The following CLDN10 variants were observed in gnomAD, a reference collection of about 807,000 sequenced individuals.
The protein encoded by CLDN10 is claudin-10.
Under a neutral mutation model 22.9 loss-of-function variants are expected in CLDN10, and 15 were observed. The observed-to-expected ratio is 0.65, with a 90% CI of 0.44 to 1.01. CLDN10 has a LOEUF of 1.01. Among genes scored for constraint, CLDN10 ranks in the 50% least tolerant of loss-of-function variants. The pLI, the probability that CLDN10 is intolerant of heterozygous loss-of-function variation, is 0.00. For missense variants in CLDN10, 247 were observed against 287.8 expected, an observed-to-expected ratio of 0.86 and a Z score of 1.03; for synonymous variants, 114 against 111.4, an observed-to-expected ratio of 1.02 and a Z score of -0.15.
rs922945485 is a variant in CLDN10 at position 95,547,263 on chromosome 13, C to T, written c.215-12869C>T. On this transcript the variant is annotated intron_variant, in intron 1 of 4. Coordinates refer to the CLDN10 transcript ENST00000376873. ...CTCACTCCCAACCACTTTTGCTCCC[C>T]GGGACTATCCTCTGCTCTGACTTCC... Among the ~76,000 whole-genome samples, 8 of 152,080 alleles carry T rather than the reference C, an allele frequency of 5.3e-5. No individual in the cohort carries two copies. The South Asian group carries it at 8.3e-4, about 16-fold the overall frequency.
At chr13:95,511,457 G>A (rs2043097723) in intron 1 of CLDN10, among the ~76,000 whole-genome samples, 1 of 151,998 alleles carries the variant, frequency 6.6e-6, no homozygotes, top group Admixed American at 6.5e-5. Context: ...TGAGAAACTT[G>A]AGTGATGTGA....
intron 1 of CLDN10, among the ~76,000 whole-genome samples, chr13:95,485,567 C>T (rs931066667): frequency 1.3e-5 from 2 of 152,350 alleles, no homozygotes; most frequent in African/African-American, 4.8e-5. Flanking sequence ...CCCGGGCCCA[C>T]TCCAGATTCC....
chr13:95,566,955 C>A (rs985946208), intron 3 of CLDN10, among the ~76,000 whole-genome samples: 1 of 151,956 alleles, frequency 6.6e-6, no homozygotes, highest in East Asian at 1.9e-4. Flanking sequence ...ATTTCTGAGG[C>A]CTCTGTTCTG....
chr13:95,574,405 T>C (rs1008998283), intron 3 of CLDN10, among the ~76,000 whole-genome samples: 2 of 152,228 alleles, frequency 1.3e-5, no homozygotes, highest in African/African-American at 4.8e-5. Flanking sequence ...GTCTCCAACA[T>C]AATTCACACT....
At chr13:95,555,012 G>C (rs2043615086) in intron 1 of CLDN10, among the ~76,000 whole-genome samples, 1 of 149,208 alleles carries the variant, frequency 6.7e-6, no homozygotes, top group Admixed American at 6.7e-5. Context: ...GAGAATACCT[G>C]CTTCTCCACA....
At chr13:95,571,556 G>A (rs2043861673) in intron 3 of CLDN10, among the ~76,000 whole-genome samples, 1 of 152,146 alleles carries the variant, frequency 6.6e-6, no homozygotes, top group Non-Finnish European at 1.5e-5. Context: ...AGAGAGACTG[G>A]ACCATGGCAG....
chr13:95,560,599 C>G (rs2043695594), intron 3 of CLDN10, 136 bp downstream of exon 3: 1 of 683,534 alleles, frequency 1.5e-6, no homozygotes, highest in South Asian at 1.9e-5. Flanking sequence ...TGACATCATT[C>G]AAGATTAAAT....
At chr13:95,441,731 T>C (rs965828895) in intron 1 of CLDN10, among the ~76,000 whole-genome samples, 2 of 152,216 alleles carry the variant, frequency 1.3e-5, no homozygotes, top group South Asian at 2.1e-4. Flanking sequence ...GTGTCTTCTA[T>C]GCACATTAAA....
Position 95,499,418 on chromosome 13 carries a change from T to G in CLDN10, c.215-60714T>G, listed in dbSNP as rs114484827. ...TTAGCTAGGCATGGTGGCAAGCGCT[T>G]GTAATCGCAGCTACTTGGGAGGCTG... On this transcript the variant is annotated intron_variant, in intron 1 of 4. Coordinates refer to the CLDN10 transcript ENST00000376873. 6.1e-3 allele frequency among the ~76,000 whole-genome samples: 923 copies of G among 152,244 alleles called. 12 individuals are homozygous for G. Among genetic ancestry groups the G allele is most frequent in the African/African-American group, 0.021 (890 of 41,542 alleles).
At chr13:95,484,933 TATTTAGTTTG>T (rs1383648797) in intron 1 of CLDN10, among the ~76,000 whole-genome samples, 5 of 150,776 alleles carry the variant, frequency 3.3e-5, no homozygotes, top group Non-Finnish European at 7.4e-5. Context: ...GATGGGGTCT[TATTTAGTTTG>T]ATTTAGTTTG....
chr13:95,437,430 A>G (rs185963555), intron 1 of CLDN10, among the ~76,000 whole-genome samples: 1 of 152,326 alleles, frequency 6.6e-6, no homozygotes, highest in East Asian at 1.9e-4. Context: ...ATCTACGTTA[A>G]TAGGAATGCT....
intron 1 of CLDN10, among the ~76,000 whole-genome samples, chr13:95,464,665 T>C (rs2042567483): frequency 6.6e-6 from 1 of 152,120 alleles, no homozygotes; most frequent in Non-Finnish European, 1.5e-5. Flanking sequence ...TGGATGTTGT[T>C]CATGATGACA....
intron 1 of CLDN10, among the ~76,000 whole-genome samples, chr13:95,468,289 C>T (rs2042598614): frequency 6.6e-6 from 1 of 152,094 alleles, no homozygotes; most frequent in South Asian, 2.1e-4. Flanking sequence ...GCTCTGGTTC[C>T]TAAGTCTTTT....
At chr13:95,533,623 G>A (rs1440644702) in intron 1 of CLDN10, 1 of 152,094 alleles carries the variant, frequency 6.6e-6, no homozygotes, top group Non-Finnish European at 1.5e-5. Context: ...AATAAATTAG[G>A]AAGTATTTAT....
At chr13:95,475,560 G>A (rs912841125) in intron 1 of CLDN10, among the ~76,000 whole-genome samples, 3 of 152,246 alleles carry the variant, frequency 2.0e-5, no homozygotes, top group African/African-American at 4.8e-5. Flanking sequence ...AGGGAGGGAA[G>A]TGGCCAGCAG....
intron 3 of CLDN10, 38 bp downstream of exon 3, chr13:95,560,501 A>G (rs781105813): frequency 6.0e-6 from 9 of 1,491,542 alleles, no homozygotes; most frequent in Non-Finnish European, 8.4e-6. Context: ...GCTCACAGGA[A>G]GTGTATATAA....
At chr13:95,455,403 T>A (rs998847021) in intron 1 of CLDN10, among the ~76,000 whole-genome samples, 1 of 152,176 alleles carries the variant, frequency 6.6e-6, no homozygotes, top group Non-Finnish European at 1.5e-5. Flanking sequence ...TTTGTGAAGT[T>A]TTTGATTGAA....
chr13:95,540,755 A>G (rs2043451960), intron 1 of CLDN10, among the ~76,000 whole-genome samples: 1 of 152,198 alleles, frequency 6.6e-6, no homozygotes, highest in Non-Finnish European at 1.5e-5. Flanking sequence ...AGCTTGAGTA[A>G]TTGATATAGG....
intron 1 of CLDN10, among the ~76,000 whole-genome samples, chr13:95,464,362 T>G (rs1190876902): frequency 1.3e-5 from 2 of 152,170 alleles, no homozygotes; most frequent in Non-Finnish European, 2.9e-5. Flanking sequence ...TTTGGTTTTT[T>G]GTCCTTGCGA....
Sources: allele counts gnomAD v4.1 joint callset (sites outside exome capture counted in the v4.1 genomes callset), GRCh38; gene constraint gnomAD v4.1.1; transcripts MANE v1.5; gene names NCBI Gene and HGNC (gene_info 2026-07-23, HGNC 2026-07-21).